The following NAV3 variants were observed in gnomAD, a reference collection of about 807,000 sequenced individuals.
NAV3 encodes the protein pore membrane and/or filament interacting like protein 1.
In NAV3, 87 loss-of-function variants were observed where a neutral mutation model predicts 244.7. That is an observed-to-expected ratio of 0.36 (90% confidence interval 0.30 to 0.42). NAV3 has a LOEUF of 0.42. Among genes scored for constraint, NAV3 ranks in the 20% least tolerant of loss-of-function variants. The pLI, the probability that NAV3 is intolerant of heterozygous loss-of-function variation, is 1.00. For synonymous variants in NAV3, 1,126 were observed against 1,042.2 expected, an observed-to-expected ratio of 1.08 and a Z score of -1.55; for missense variants, 2,663 against 2,893.3, an observed-to-expected ratio of 0.92 and a Z score of 1.83.
intron 2 of NAV3, among the ~76,000 whole-genome samples, chr12:77,641,502 G>A (rs143540250): frequency 6.6e-6 from 1 of 152,032 alleles, no homozygotes; most frequent in South Asian, 2.1e-4. Flanking sequence ...GAAATAAAAT[G>A]TATAAAAAAT....
At chr12:77,837,438 C>T (rs992784059) in intron 1 of NAV3, among the ~76,000 whole-genome samples, 6 of 151,974 alleles carry the variant, frequency 3.9e-5, no homozygotes, top group Admixed American at 3.9e-4. Flanking sequence ...TAGAGAATGG[C>T]TGTATGTCAG....
At chr12:77,623,470 A>G (rs1266858149) in intron 2 of NAV3, among the ~76,000 whole-genome samples, 3 of 152,234 alleles carry the variant, frequency 2.0e-5, no homozygotes, top group Non-Finnish European at 2.9e-5. Flanking sequence ...CTCCTGTACA[A>G]CAGAGAATTT....
chr12:78,181,117 G>A (rs538972008), intron 30 of NAV3, 72 bp downstream of exon 30: 1 of 1,436,602 alleles, frequency 7.0e-7, no homozygotes, highest in Non-Finnish European at 9.6e-7. Context: ...CTGGAATTTG[G>A]AGAACTTTAC....
At chr12:78,117,033 T>C in intron 13 of NAV3, 129 bp downstream of exon 13, 2 of 1,061,442 alleles carry the variant, frequency 1.9e-6, no homozygotes, top group South Asian at 3.7e-5. Flanking sequence ...AATGCAGAGA[T>C]AATAAGGACT....
At chr12:78,188,404 C>T (rs61936253) in intron 32 of NAV3, 61 bp downstream of exon 32, 2 of 1,403,824 alleles carry the variant, frequency 1.4e-6, no homozygotes, top group East Asian at 4.6e-5. Flanking sequence ...AATTGTTTTC[C>T]ATAACTTCAA....
At chr12:77,636,464 CAAAA>C (rs372405959) in intron 2 of NAV3, among the ~76,000 whole-genome samples, 7 of 76,716 alleles carry the variant, frequency 9.1e-5, no homozygotes, top group Admixed American at 1.4e-4. Context: ...GACACCGTCT[CAAAA>C]AAAAAAAAAA....
At chr12:77,892,066 A>T (rs1468432010) in intron 1 of NAV3, among the ~76,000 whole-genome samples, 2 of 152,222 alleles carry the variant, frequency 1.3e-5, no homozygotes, top group Non-Finnish European at 2.9e-5. Flanking sequence ...AACACTTTTT[A>T]TAATTATTTT....
Position 77,973,077 on chromosome 12 carries a change from A to G in NAV3, c.671+4375A>G, listed in dbSNP as rs372763648. Among the ~76,000 whole-genome samples, 60 of 152,290 alleles carry G rather than the reference A, an allele frequency of 3.9e-4. No individual in the cohort carries two copies. In the South Asian group the frequency reaches 6.8e-3, roughly 17 times the overall value. On this transcript the variant is annotated intron_variant, in intron 5 of 39. Transcript: ENST00000397909. ...TAGGATGATAGTACATGTAAAAGAT[A>G]CATTTTTTTATTTGCTAAAAGCTTT...
chr12:78,061,633 C>T (rs753393393), intron 12 of NAV3, among the ~76,000 whole-genome samples: 134 of 152,040 alleles, frequency 8.8e-4, no homozygotes, highest in Non-Finnish European at 1.6e-3. Context: ...GGAAGTGACT[C>T]GGGATGTATA....
At position 78,000,180 on chromosome 12, in the gene NAV3, C is replaced by T. The variant is rs377498136; in HGVS notation, c.880+1704C>T. ...CTCAATTCATACATACCTTCCCTAT[C>T]TATGCTTAGAAGGCAGTGCAAAATT... On this transcript the variant is annotated intron_variant, in intron 7 of 39. Coordinates refer to ENST00000397909, the MANE Select transcript of NAV3 (RefSeq NM_001024383.2). 5.3e-5 allele frequency among the ~76,000 whole-genome samples: 8 copies of T among 152,256 alleles called. No individual in the cohort carries two copies. The South Asian group carries it at 1.0e-3, about 20-fold the overall frequency.
At chr12:77,929,798 A>ATTTTTTTTT (rs10602394) in intron 1 of NAV3, among the ~76,000 whole-genome samples, 1,260 of 105,700 alleles carry the variant, frequency 0.012, no homozygotes, top group Non-Finnish European at 0.016. Context: ...ACGGCCAGCT[A>ATTTTTTTTT]TTTTTTTTTT....
intron 3 of NAV3, among the ~76,000 whole-genome samples, chr12:77,941,965 A>G (rs1889912551): frequency 6.6e-6 from 1 of 152,252 alleles, no homozygotes; most frequent in African/African-American, 2.4e-5. Flanking sequence ...GGAAGAATAA[A>G]AAAATCTATG....
intron 1 of NAV3, among the ~76,000 whole-genome samples, chr12:77,855,119 T>C (rs966210664): frequency 6.6e-6 from 1 of 152,086 alleles, no homozygotes; most frequent in African/African-American, 2.4e-5. Context: ...AGAGCGAGAC[T>C]CCATCTCCAA....
At position 78,212,209 on chromosome 12, in the gene NAV3, A is replaced by G. The variant is rs1213037808; in HGVS notation, c.*1692A>G. On this transcript the variant is annotated 3_prime_UTR_variant, in exon 40 of 40. Coordinates refer to ENST00000397909, the MANE Select transcript of NAV3 (RefSeq NM_001024383.2). ...TCATGGCAGGCTTTAAAGAGAGTGC[A>G]TGAAAACTGATCAGTCATTGGAGAA... The G allele has an allele frequency of 6.6e-6, 1 of 152,646 alleles. No homozygotes were observed. Among genetic ancestry groups the G allele is most frequent in the African/African-American group, 2.4e-5 (1 of 41,468 alleles). The allele number at this position is 152,646 out of a possible 1,614,324, so 9.5% of individuals were successfully genotyped here. A position where few individuals can be genotyped will look rare whatever the true frequency, so the allele number is the denominator to read the frequency against.
intron 2 of NAV3, among the ~76,000 whole-genome samples, chr12:77,598,740 C>T (rs973260033): frequency 1.3e-5 from 2 of 151,864 alleles, no homozygotes; most frequent in South Asian, 4.1e-4. Context: ...AAGAGTAGTG[C>T]TCATTTTGAT....
chr12:77,852,117 A>G (rs1234238300), intron 1 of NAV3, among the ~76,000 whole-genome samples: 1 of 152,262 alleles, frequency 6.6e-6, no homozygotes, highest in Non-Finnish European at 1.5e-5. Context: ...TATAAATAAA[A>G]TGATGACTCT....
chr12:78,044,279 C>T (rs1881381744), intron 9 of NAV3, among the ~76,000 whole-genome samples: 1 of 152,116 alleles, frequency 6.6e-6, no homozygotes, highest in South Asian at 2.1e-4. Flanking sequence ...TGTTCTGTTT[C>T]ATTGGTCTAT....
chr12:77,778,649 A>T (rs1047423738), intron 2 of NAV3, among the ~76,000 whole-genome samples: 2 of 151,828 alleles, frequency 1.3e-5, no homozygotes, highest in African/African-American at 4.8e-5. Context: ...CATTTATATT[A>T]ACAATGGGAA....
intron 1 of NAV3, among the ~76,000 whole-genome samples, chr12:77,885,350 T>C (rs927865300): frequency 6.6e-6 from 1 of 152,128 alleles, no homozygotes; most frequent in Non-Finnish European, 1.5e-5. Context: ...CCAAAGGTTG[T>C]ACTGCTGCTT....
Sources: gnomAD v4.1 joint callset for allele counts (sites outside exome capture counted in the v4.1 genomes callset) on GRCh38, gnomAD v4.1.1 for gene constraint, MANE v1.5 for transcripts, NCBI Gene and HGNC (gene_info 2026-07-23, HGNC 2026-07-21) for gene names.